Variants in C13orf42 observed in about 807,000 individuals in gnomAD.
C13orf42 encodes the protein chromosome 13 open reading frame 42.
At chr13:51,171,530 C>G in intron 1 of C13orf42, among the ~76,000 whole-genome samples, 1 of 152,088 alleles carries the variant, frequency 6.6e-6, no homozygotes, top group East Asian at 1.9e-4. Context: ...TCTGACCTCT[C>G]CCTTCCTCCC....
At chr13:51,113,983 A>G (rs929149451), upstream of C13orf42, among the ~76,000 whole-genome samples, 4 of 152,232 alleles carry the variant, frequency 2.6e-5, no homozygotes, top group Non-Finnish European at 5.9e-5. Context: ...ATCTGCATAA[A>G]GTGACTTGTG....
chr13:51,159,902 C>A (rs1294696168), intron 1 of C13orf42, among the ~76,000 whole-genome samples: 1 of 152,140 alleles, frequency 6.6e-6, no homozygotes, highest in Non-Finnish European at 1.5e-5. Context: ...GCTAGGGAAA[C>A]TCTCACAATC....
intron 1 of C13orf42, among the ~76,000 whole-genome samples, chr13:51,151,348 T>C (rs1953776127): frequency 1.3e-5 from 2 of 149,188 alleles, no homozygotes; most frequent in South Asian, 2.1e-4. Flanking sequence ...AGCCAAGAAA[T>C]GCAGGTAGCC....
At chr13:51,101,932 T>C (rs775855605) in intron 1 of C13orf42, among the ~76,000 whole-genome samples, 2 of 152,154 alleles carry the variant, frequency 1.3e-5, no homozygotes, top group Non-Finnish European at 2.9e-5. Flanking sequence ...GAGGAAGTAT[T>C]GTTTCTAGGC....
intron 1 of C13orf42, among the ~76,000 whole-genome samples, chr13:51,120,878 G>A (rs969743149): frequency 6.6e-6 from 1 of 152,168 alleles, no homozygotes; most frequent in African/African-American, 2.4e-5. Flanking sequence ...GCCAAGCATG[G>A]TGACACGTGC....
rs573804186 is a variant in C13orf42 at position 51,130,294 on chromosome 13, A to G, written n.137-17072T>C. Among the ~76,000 whole-genome samples the G allele has an allele frequency of 6.1e-4, 93 of 152,294 alleles. 1 individual carries two copies. Among genetic ancestry groups the G allele is most frequent in the African/African-American group, 2.1e-3 (88 of 41,570 alleles). On this transcript the variant is annotated intron_variant and non_coding_transcript_variant, in intron 1 of 4. Coordinates refer to the C13orf42 transcript ENST00000433280. ...TTCTTTGACTTTTGAAAATTGTTCAATTTATTTTGGAGCATTAGATTCTAG... is the reference window on the plus strand; with the variant it reads ...TTCTTTGACTTTTGAAAATTGTTCAGTTTATTTTGGAGCATTAGATTCTAG...
chr13:51,169,272 C>T (rs965993480), intron 1 of C13orf42, among the ~76,000 whole-genome samples: 2 of 152,168 alleles, frequency 1.3e-5, no homozygotes, highest in Non-Finnish European at 2.9e-5. Context: ...CAACGAAATC[C>T]AGGCTGAAGA....
intron 1 of C13orf42, among the ~76,000 whole-genome samples, chr13:51,137,501 A>T (rs1247739711): frequency 1.3e-5 from 2 of 150,964 alleles, no homozygotes; most frequent in Non-Finnish European, 3.0e-5. Context: ...TATATATCCC[A>T]CTCTGTCCCC....
intron 1 of C13orf42, among the ~76,000 whole-genome samples, chr13:51,165,118 C>G (rs1593559574): frequency 6.6e-6 from 1 of 152,192 alleles, no homozygotes; most frequent in African/African-American, 2.4e-5. Flanking sequence ...TGGACTCTGT[C>G]AGTGAGATTT....
At chr13:51,112,582 T>A (rs775727850), upstream of C13orf42, among the ~76,000 whole-genome samples, 12 of 152,248 alleles carry the variant, frequency 7.9e-5, no homozygotes, top group Non-Finnish European at 1.8e-4. Context: ...GCCCCTCACA[T>A]GTGGAGCATT....
chr13:51,085,632 C>T (rs577043994), intron 2 of C13orf42, 73 bp from the exon 3 acceptor site: 22 of 397,724 alleles, frequency 5.5e-5, no homozygotes, highest in African/African-American at 2.7e-4. Flanking sequence ...AAGGAGAGGG[C>T]GGATTGGACT....
At chr13:51,149,330 A>C (rs1284359385) in intron 1 of C13orf42, among the ~76,000 whole-genome samples, 5 of 151,176 alleles carry the variant, frequency 3.3e-5, no homozygotes, top group South Asian at 2.1e-4. Context: ...AAAAAAAAAA[A>C]CCCTAAAAAT....
At chr13:51,162,904 C>T (rs1953877257) in intron 1 of C13orf42, among the ~76,000 whole-genome samples, 1 of 152,188 alleles carries the variant, frequency 6.6e-6, no homozygotes, top group African/African-American at 2.4e-5. Context: ...CGTGAGTCTA[C>T]CAGAAACCCT....
chr13:51,168,617 G>A (rs1040459042), intron 1 of C13orf42, among the ~76,000 whole-genome samples: 2 of 152,200 alleles, frequency 1.3e-5, no homozygotes, highest in Admixed American at 6.5e-5. Context: ...CAATAATGCA[G>A]AATGGGTCCC....
intron 1 of C13orf42, among the ~76,000 whole-genome samples, chr13:51,108,852 G>A (rs745628428): frequency 5.3e-5 from 8 of 152,220 alleles, no homozygotes; most frequent in African/African-American, 1.2e-4. Context: ...AGATCCCTAC[G>A]TTATATCAGG....
intron 1 of C13orf42, among the ~76,000 whole-genome samples, chr13:51,105,728 T>A (rs1953346379): frequency 6.6e-6 from 1 of 152,208 alleles, no homozygotes; most frequent in South Asian, 2.1e-4. Flanking sequence ...TCTATGATTT[T>A]TTTTCTCTCC....
chr13:51,105,241 A>T (rs1593534992), intron 1 of C13orf42, among the ~76,000 whole-genome samples: 1 of 152,326 alleles, frequency 6.6e-6, no homozygotes, highest in South Asian at 2.1e-4. Flanking sequence ...ACTAAGATGC[A>T]GTTCAGGACC....
At position 51,111,232 on chromosome 13, in the gene C13orf42, G is replaced by A. The variant is rs1953429746; in HGVS notation, c.-23C>T. 1 of 398,568 alleles carries A rather than the reference G, an allele frequency of 2.5e-6. No homozygotes were observed. Among genetic ancestry groups the A allele is most frequent in the Non-Finnish European group, 4.4e-6 (1 of 226,108 alleles). The allele number at this position is 398,568 out of a possible 1,614,324, so 24.7% of individuals were successfully genotyped here. Reference sequence around the variant, plus strand: ...CATAGTGCTCGATTTCTTTCTGTGGGTACCTTCCAGCTGCCTGTGCTGCCG... The same window carrying A: ...CATAGTGCTCGATTTCTTTCTGTGGATACCTTCCAGCTGCCTGTGCTGCCG... On this transcript the variant is annotated 5_prime_UTR_variant, in exon 1 of 4. Coordinates refer to ENST00000563710, the MANE Select transcript of C13orf42 (RefSeq NM_001351589.3).
chr13:51,146,446 A>C (rs1953736485), intron 1 of C13orf42, among the ~76,000 whole-genome samples: 1 of 152,174 alleles, frequency 6.6e-6, no homozygotes, highest in Non-Finnish European at 1.5e-5. Context: ...TCAGTTTAAG[A>C]AGTTTATTTT....
Sources: allele counts gnomAD v4.1 joint callset (sites outside exome capture counted in the v4.1 genomes callset), GRCh38; gene constraint gnomAD v4.1.1; transcripts MANE v1.5; gene names NCBI Gene and HGNC (gene_info 2026-07-23, HGNC 2026-07-21).